FMN2: variants seen among roughly 807,000 people sequenced by gnomAD.
FMN2 encodes formin 2.
In FMN2, 51 loss-of-function variants were observed where a neutral mutation model predicts 142.3. The ratio of observed to expected loss-of-function variants is 0.36; its 90% CI spans 0.29 to 0.45. The LOEUF is 0.45. Among genes scored for constraint, FMN2 ranks in the 20% least tolerant of loss-of-function variants. The probability of loss-of-function intolerance (pLI) is 1.00; values close to 1 mark genes in which losing one functional copy is unlikely to be tolerated. For synonymous variants in FMN2, 882 were observed against 869.8 expected, an observed-to-expected ratio of 1.01 and a Z score of -0.25; for missense variants, 1,936 against 2,122.8, an observed-to-expected ratio of 0.91 and a Z score of 1.73.
intron 14 of FMN2, among the ~76,000 whole-genome samples, chr1:240,389,998 A>T (rs1673551879): frequency 6.6e-6 from 1 of 152,220 alleles, no homozygotes; most frequent in South Asian, 2.1e-4. Context: ...GCATTTATGC[A>T]AACACCATCT....
chr1:240,324,285 G>A (rs1053723904), intron 8 of FMN2, among the ~76,000 whole-genome samples: 4 of 152,092 alleles, frequency 2.6e-5, no homozygotes, highest in African/African-American at 7.2e-5. Flanking sequence ...GAGCACTGTC[G>A]GATTGAATAG....
chr1:240,268,630 A>T (rs980404206), intron 7 of FMN2, among the ~76,000 whole-genome samples: 10 of 152,076 alleles, frequency 6.6e-5, no homozygotes, highest in African/African-American at 2.2e-4. Context: ...AGACATAGAC[A>T]GATGCTTTTA....
At chr1:240,241,825 C>CTTTTTTTTTTTTTTTTTTTTTTTTTTTTT (rs71567282) in intron 6 of FMN2, among the ~76,000 whole-genome samples, 3 of 96,238 alleles carry the variant, frequency 3.1e-5, no homozygotes, top group African/African-American at 1.1e-4. Flanking sequence ...GTGTGCCTTG[C>CTTTTTTTTTTTTTTTTTTTTTTTTTTTTT]TTTTTTTTTT....
chr1:240,374,642 G>A (rs1206447749), intron 14 of FMN2, among the ~76,000 whole-genome samples: 2 of 152,048 alleles, frequency 1.3e-5, no homozygotes, highest in African/African-American at 4.8e-5. Context: ...AGAGAACTAG[G>A]GCCTTGCTCT....
chr1:240,295,557 G>A (rs559958684), intron 8 of FMN2, among the ~76,000 whole-genome samples: 41 of 95,964 alleles, frequency 4.3e-4, no homozygotes, highest in African/African-American at 1.5e-3. Flanking sequence ...TTAGCATTAT[G>A]CCCTCCAGGT....
chr1:240,225,283 T>C (rs1201501095), intron 6 of FMN2, among the ~76,000 whole-genome samples: 1 of 151,958 alleles, frequency 6.6e-6, no homozygotes, highest in Non-Finnish European at 1.5e-5. Flanking sequence ...GTAGAAAAAA[T>C]TGGTAAATTC....
In FMN2 at chr1:240,408,958, C is replaced by T. The variant is rs149013143; in HGVS notation, c.4910+16396C>T. ...GTGAGTGTTTTCAAAACTCGTGCAG[C>T]TTAGCCTTCCTTTTCCCCTTTCACA... is the stretch of plus-strand genomic sequence containing the variant. On this transcript the variant is annotated intron_variant, in intron 15 of 17. Coordinates refer to ENST00000319653, the MANE Select transcript of FMN2 (RefSeq NM_020066.5). 2.7e-3 allele frequency among the ~76,000 whole-genome samples: 412 copies of T among 152,210 alleles called. 1 individual carries two copies. The highest frequency in any genetic ancestry group is 9.3e-3 in the African/African-American group (388 of 41,522).
chr1:240,465,590 C>T (rs530612647), intron 16 of FMN2, among the ~76,000 whole-genome samples: 3 of 152,310 alleles, frequency 2.0e-5, no homozygotes, highest in African/African-American at 7.2e-5. Context: ...CCACAATGCA[C>T]TTAACCTCTC....
intron 7 of FMN2, among the ~76,000 whole-genome samples, chr1:240,268,710 A>T (rs1333051387): frequency 6.6e-6 from 1 of 151,880 alleles, no homozygotes; most frequent in Non-Finnish European, 1.5e-5. Flanking sequence ...AAAGTATAAG[A>T]ACACTTTCAT....
At chr1:240,258,381 A>C (rs1668520735) in intron 7 of FMN2, among the ~76,000 whole-genome samples, 1 of 152,158 alleles carries the variant, frequency 6.6e-6, no homozygotes, top group Admixed American at 6.5e-5. Context: ...GTGCCAGCAT[A>C]TTCGGTTCTG....
At chr1:240,365,954 T>C (rs1156599401) in intron 14 of FMN2, among the ~76,000 whole-genome samples, 1 of 151,972 alleles carries the variant, frequency 6.6e-6, no homozygotes, top group Non-Finnish European at 1.5e-5. Context: ...ACAGTGAAAT[T>C]ACCAAAAATC....
chr1:240,135,984 T>G (rs934194618), intron 2 of FMN2, among the ~76,000 whole-genome samples: 2 of 151,316 alleles, frequency 1.3e-5, no homozygotes, highest in African/African-American at 4.9e-5. Context: ...TAGTCATGTT[T>G]TTTTTTTTTT....
At chr1:240,195,627 C>G (rs1203680718) in intron 4 of FMN2, among the ~76,000 whole-genome samples, 1 of 152,062 alleles carries the variant, frequency 6.6e-6, no homozygotes, top group Non-Finnish European at 1.5e-5. Context: ...TGTATTTTTT[C>G]TAGAAGCAAT....
At chr1:240,227,844 A>G (rs575137670) in intron 6 of FMN2, among the ~76,000 whole-genome samples, 24 of 152,272 alleles carry the variant, frequency 1.6e-4, no homozygotes, top group African/African-American at 5.3e-4. Flanking sequence ...AAAGTTAACA[A>G]TTTTGAATCT....
intron 6 of FMN2, among the ~76,000 whole-genome samples, chr1:240,225,480 G>C (rs1667267064): frequency 6.6e-6 from 1 of 152,198 alleles, no homozygotes; most frequent in South Asian, 2.1e-4. Context: ...AGGAATGTCA[G>C]GCTGCTCACT....
At chr1:240,246,068 T>G (rs531558284) in intron 6 of FMN2, among the ~76,000 whole-genome samples, 16 of 152,212 alleles carry the variant, frequency 1.1e-4, no homozygotes, top group Non-Finnish European at 2.4e-4. Context: ...TAGTCCCAGC[T>G]ACTCGGGAGA....
At chr1:240,116,807 C>T (rs943772895) in intron 1 of FMN2, among the ~76,000 whole-genome samples, 1 of 152,002 alleles carries the variant, frequency 6.6e-6, no homozygotes, top group Non-Finnish European at 1.5e-5. Flanking sequence ...TGCCCAGCAG[C>T]TTCTGGCACA....
chr1:240,432,909 T>C (rs1470881203), intron 15 of FMN2, among the ~76,000 whole-genome samples: 2 of 152,166 alleles, frequency 1.3e-5, no homozygotes, highest in Non-Finnish European at 2.9e-5. Context: ...ATGGTCTATG[T>C]TGAATATTTC....
Position 240,116,615 on chromosome 1 carries a change from G to A in FMN2, c.1616-6564G>A, listed in dbSNP as rs1295050740. ...GGATGAAGACAGAAATGTTGGCTGGGTGTGGTGGCTCACCCATGTAGTCCC... is the reference window on the plus strand; with the variant it reads ...GGATGAAGACAGAAATGTTGGCTGGATGTGGTGGCTCACCCATGTAGTCCC... On this transcript the variant is annotated intron_variant, in intron 1 of 17. Coordinates refer to ENST00000319653, the MANE Select transcript of FMN2 (RefSeq NM_020066.5). 2.0e-5 allele frequency among the ~76,000 whole-genome samples: 3 copies of A among 152,298 alleles called. No individual in the cohort carries two copies. The East Asian group carries it at 5.8e-4, about 30-fold the overall frequency.
Sources: gnomAD v4.1 joint callset for allele counts (sites outside exome capture counted in the v4.1 genomes callset) on GRCh38, gnomAD v4.1.1 for gene constraint, MANE v1.5 for transcripts, NCBI Gene and HGNC (gene_info 2026-07-23, HGNC 2026-07-21) for gene names.